MYO1B: variants seen among roughly 807,000 people sequenced by gnomAD.
MYO1B encodes the protein unconventional myosin-Ib.
Under a neutral mutation model 159.7 loss-of-function variants are expected in MYO1B, and 72 were observed. The observed-to-expected ratio is 0.45, with a 90% CI of 0.37 to 0.55. MYO1B has a LOEUF of 0.55. MYO1B is among the 20% of genes least tolerant of loss of function. MYO1B has a pLI of 0.00. For synonymous variants in MYO1B, 468 were observed against 473.8 expected, an observed-to-expected ratio of 0.99 and a Z score of 0.16; for missense variants, 1,062 against 1,364.8, an observed-to-expected ratio of 0.78 and a Z score of 3.50.
At chr2:191,275,779 G>A (rs1405026020) in intron 1 of MYO1B, among the ~76,000 whole-genome samples, 1 of 152,220 alleles carries the variant, frequency 6.6e-6, no homozygotes, top group African/African-American at 2.4e-5. Context: ...CATTTAGAGA[G>A]AATGGCCCAG....
At chr2:191,365,438 G>A (rs1693946626) in intron 11 of MYO1B, among the ~76,000 whole-genome samples, 1 of 152,098 alleles carries the variant, frequency 6.6e-6, no homozygotes, top group South Asian at 2.1e-4. Flanking sequence ...AGTTATTTTG[G>A]CTGTGGCAAA....
At chr2:191,411,295 C>A in intron 27 of MYO1B, 123 bp downstream of exon 27, 1 of 586,004 alleles carries the variant, frequency 1.7e-6, no homozygotes, top group Non-Finnish European at 3.0e-6. Context: ...TTCTGTGAAT[C>A]ATTTTATAAT....
chr2:191,404,930 T>C (rs1374514587), intron 24 of MYO1B, among the ~76,000 whole-genome samples: 1 of 152,214 alleles, frequency 6.6e-6, no homozygotes, highest in Non-Finnish European at 1.5e-5. Flanking sequence ...TGTGGCAATT[T>C]CTTAAAATAA....
At chr2:191,421,047 C>T (rs1385831796) in intron 30 of MYO1B, among the ~76,000 whole-genome samples, 1 of 150,728 alleles carries the variant, frequency 6.6e-6, no homozygotes, top group Admixed American at 6.7e-5. Context: ...TATATCTTGC[C>T]TATTGTTATT....
At chr2:191,371,297 A>G (rs1694349235) in intron 13 of MYO1B, among the ~76,000 whole-genome samples, 1 of 152,198 alleles carries the variant, frequency 6.6e-6, no homozygotes, top group African/African-American at 2.4e-5. Flanking sequence ...GAATCTCAGA[A>G]AAAAAACATC....
chr2:191,402,732 C>G lies in MYO1B; in HGVS notation c.2556+14C>G. On this transcript the variant is annotated intron_variant, in intron 24 of 30. Coordinates refer to ENST00000392318, the MANE Select transcript of MYO1B (RefSeq NM_001130158.3). ...CTTGGACTGAAGGTACTTCCTCAAC[C>G]ACTTGTTTCTGTCCAGGGTGAACTT... 1 of 1,603,644 alleles carries G rather than the reference C, an allele frequency of 6.2e-7. No individual in the cohort carries two copies. Among genetic ancestry groups the G allele is most frequent in the South Asian group, 1.1e-5 (1 of 89,052 alleles).
intron 7 of MYO1B, among the ~76,000 whole-genome samples, chr2:191,355,551 C>G (rs1693218967): frequency 6.6e-6 from 1 of 152,152 alleles, no homozygotes; most frequent in Non-Finnish European, 1.5e-5. Flanking sequence ...GTTAGTAGTC[C>G]TCTGGCACTT....
intron 1 of MYO1B, among the ~76,000 whole-genome samples, chr2:191,254,010 A>C (rs1686285509): frequency 6.6e-6 from 1 of 152,150 alleles, no homozygotes; most frequent in Non-Finnish European, 1.5e-5. Flanking sequence ...ATTTTGAATG[A>C]ATGATTTAGT....
rs117860823 is a variant in MYO1B at position 191,349,434 on chromosome 2, T to C, written c.499-728T>C. 6.2e-4 allele frequency among the ~76,000 whole-genome samples: 94 copies of C among 152,326 alleles called. 1 individual carries two copies. The East Asian group carries it at 0.013, about 22-fold the overall frequency. ...AAAACTAAAGACTTTACTTATTAGA[T>C]CAACACACACTTTTCCAAACAAGAA... On this transcript the variant is annotated intron_variant, in intron 6 of 30. Coordinates refer to ENST00000392318, the MANE Select transcript of MYO1B (RefSeq NM_001130158.3).
intron 1 of MYO1B, among the ~76,000 whole-genome samples, chr2:191,249,147 C>G (rs772130051): frequency 1.3e-5 from 2 of 152,174 alleles, no homozygotes; most frequent in Non-Finnish European, 2.9e-5. Context: ...ATTTTAAGCC[C>G]TTTTTATCTT....
Position 191,414,196 on chromosome 2 carries a change from T to G in MYO1B, c.3006+16T>G. On this transcript the variant is annotated intron_variant, in intron 28 of 30. Coordinates refer to ENST00000392318, the MANE Select transcript of MYO1B (RefSeq NM_001130158.3). ...TAATGGGAAGGTAAAAATGCTAACC[T>G]TGAAGACTGATAAGAAGTACCTATT... 3.1e-6 allele frequency: 5 copies of G among 1,604,580 alleles called. No individual in the cohort carries two copies. Among genetic ancestry groups the G allele is most frequent in the Non-Finnish European group, 4.2e-6 (5 of 1,176,938 alleles).
At chr2:191,406,806 G>A (rs916240426) in intron 24 of MYO1B, among the ~76,000 whole-genome samples, 1 of 152,224 alleles carries the variant, frequency 6.6e-6, no homozygotes, top group African/African-American at 2.4e-5. Context: ...CCTTCAATTT[G>A]TAAAAACTCA....
intron 7 of MYO1B, among the ~76,000 whole-genome samples, chr2:191,353,398 T>C (rs2125989907): frequency 6.6e-6 from 1 of 152,290 alleles, no homozygotes; most frequent in South Asian, 2.1e-4. Flanking sequence ...GGAGAACATA[T>C]GGTACAAGTC....
intron 4 of MYO1B, among the ~76,000 whole-genome samples, chr2:191,330,792 G>A (rs957415699): frequency 6.6e-6 from 1 of 152,154 alleles, no homozygotes; most frequent in African/African-American, 2.4e-5. Context: ...AGTTTCATCT[G>A]TAAAATGCTT....
In MYO1B at chr2:191,376,887, A is replaced by G. The variant is rs183972477; in HGVS notation, c.1186-4575A>G. ...TCCTTAAAGAGTATAAAATATCATC[A>G]GTCTCCTTTGTTGCTAAGGAGAATA... On this transcript the variant is annotated intron_variant, in intron 13 of 30. Coordinates refer to ENST00000392318, the MANE Select transcript of MYO1B (RefSeq NM_001130158.3). 3.2e-3 allele frequency among the ~76,000 whole-genome samples: 495 copies of G among 152,326 alleles called. 5 individuals are homozygous for G. The highest frequency in any genetic ancestry group is 0.012 in the African/African-American group (485 of 41,584).
At chr2:191,323,706 T>C (rs1690873050) in intron 3 of MYO1B, among the ~76,000 whole-genome samples, 1 of 152,188 alleles carries the variant, frequency 6.6e-6, no homozygotes, top group Non-Finnish European at 1.5e-5. Flanking sequence ...AGCCTGACTT[T>C]CAAGCTTTAT....
intron 30 of MYO1B, among the ~76,000 whole-genome samples, chr2:191,422,916 A>G (rs760360290): frequency 3.3e-5 from 5 of 152,154 alleles, no homozygotes; most frequent in Non-Finnish European, 5.9e-5. Flanking sequence ...TAGCCTTTCT[A>G]CCTTACTAGA....
chr2:191,348,187 T>G (rs1253840804), intron 6 of MYO1B, among the ~76,000 whole-genome samples: 1 of 152,180 alleles, frequency 6.6e-6, no homozygotes, highest in Non-Finnish European at 1.5e-5. Flanking sequence ...TGGCCACTCA[T>G]TGGTTTATCC....
At chr2:191,367,797 GGTA>G (rs1190730191) in intron 11 of MYO1B, among the ~76,000 whole-genome samples, 1 of 152,144 alleles carries the variant, frequency 6.6e-6, no homozygotes, top group East Asian at 1.9e-4. Flanking sequence ...AGCCTCATGA[GGTA>G]GTAGTAGACG....
Sources: allele counts gnomAD v4.1 joint callset (sites outside exome capture counted in the v4.1 genomes callset), GRCh38; gene constraint gnomAD v4.1.1; transcripts MANE v1.5; gene names NCBI Gene and HGNC (gene_info 2026-07-23, HGNC 2026-07-21).